The following COMMD10 variants were observed in gnomAD, a reference collection of about 807,000 sequenced individuals.
COMMD10 encodes the protein COMM domain containing 10, also known as COMM domain-containing protein 10.
COMMD10 carries 33 observed loss-of-function variants against 28.9 expected under a neutral mutation model. That is an observed-to-expected ratio of 1.14 (90% confidence interval 0.87 to 1.53). The LOEUF is 1.53. Among genes scored for constraint, COMMD10 ranks in the 40% most tolerant of loss-of-function variants. COMMD10 has a pLI of 0.00. For missense variants in COMMD10, 310 were observed against 233.4 expected (o/e 1.33, Z -2.14); for synonymous variants, 110 against 81.7 (o/e 1.35, Z -1.87).
At chr5:116,247,853 C>T (rs1293850598) in intron 5 of COMMD10, among the ~76,000 whole-genome samples, 1 of 151,868 alleles carries the variant, frequency 6.6e-6, no homozygotes, top group Non-Finnish European at 1.5e-5. Context: ...GGAAAAATAA[C>T]TAATGGATAC....
At chr5:116,272,633 C>T (rs538184031) in intron 5 of COMMD10, among the ~76,000 whole-genome samples, 15 of 151,774 alleles carry the variant, frequency 9.9e-5, no homozygotes, top group Non-Finnish European at 2.1e-4. Context: ...ACTGGTAATG[C>T]CATATTACAT....
chr5:116,256,573 G>A (rs4244400), intron 5 of COMMD10, among the ~76,000 whole-genome samples: 149,209 of 151,656 alleles, frequency 0.98, 73,504 homozygotes, highest in East Asian at 1. Context: ...ATTTGAAACA[G>A]TATACAGGTT....
chr5:116,089,785 G>A (rs2112708185), intron 2 of COMMD10, among the ~76,000 whole-genome samples: 1 of 152,328 alleles, frequency 6.6e-6, no homozygotes, highest in African/African-American at 2.4e-5. Context: ...ATATGTATGT[G>A]AATACTTGCC....
At chr5:116,267,058 A>G (rs564043770) in intron 5 of COMMD10, among the ~76,000 whole-genome samples, 68 of 151,998 alleles carry the variant, frequency 4.5e-4, no homozygotes, top group Non-Finnish European at 8.2e-4. Flanking sequence ...GCCCTCTCTC[A>G]CCACTCCTAT....
intron 5 of COMMD10, among the ~76,000 whole-genome samples, chr5:116,196,640 AAAG>A (rs1178757467): frequency 6.6e-6 from 1 of 151,976 alleles, no homozygotes; most frequent in Non-Finnish European, 1.5e-5. Context: ...TTTTTTAAAA[AAAG>A]AAAAATGTTT....
chr5:116,256,591 C>G (rs1020968582), intron 5 of COMMD10, among the ~76,000 whole-genome samples: 1 of 151,614 alleles, frequency 6.6e-6, no homozygotes, highest in Admixed American at 6.6e-5. Flanking sequence ...GTTGAGTATT[C>G]CTTATCCAAA....
chr5:116,240,400 G>T (rs1749781455), intron 5 of COMMD10, among the ~76,000 whole-genome samples: 1 of 152,096 alleles, frequency 6.6e-6, no homozygotes, highest in African/African-American at 2.4e-5. Flanking sequence ...AAGATTAATT[G>T]TAATATTTTA....
intron 5 of COMMD10, among the ~76,000 whole-genome samples, chr5:116,267,885 T>A (rs1750635759): frequency 1.3e-5 from 2 of 151,892 alleles, no homozygotes; most frequent in South Asian, 2.1e-4. Flanking sequence ...CTGGGAAAAC[T>A]GGCTAGCCAT....
At chr5:116,102,357 C>G (rs1750693446) in intron 4 of COMMD10, among the ~76,000 whole-genome samples, 1 of 152,090 alleles carries the variant, frequency 6.6e-6, no homozygotes, top group Non-Finnish European at 1.5e-5. Flanking sequence ...TCAAAGAACA[C>G]TTAAATGTAA....
chr5:116,165,251 C>T (rs1260050038), intron 5 of COMMD10, among the ~76,000 whole-genome samples: 2 of 152,100 alleles, frequency 1.3e-5, no homozygotes, highest in Non-Finnish European at 1.5e-5. Context: ...TTAAAATATC[C>T]CCTTAATCGA....
intron 5 of COMMD10, among the ~76,000 whole-genome samples, chr5:116,169,487 TAAG>T: frequency 6.6e-6 from 1 of 152,272 alleles, no homozygotes; most frequent in Admixed American, 6.5e-5. Flanking sequence ...CTAATTCATT[TAAG>T]AGGCCAGCAT....
intron 5 of COMMD10, among the ~76,000 whole-genome samples, chr5:116,251,208 A>C (rs527564317): frequency 6.6e-6 from 1 of 151,902 alleles, no homozygotes; most frequent in Non-Finnish European, 1.5e-5. Context: ...TTTATTGTTC[A>C]TTAAGTATTT....
chr5:116,107,399 C>A, intron 4 of COMMD10, among the ~76,000 whole-genome samples: 1 of 152,154 alleles, frequency 6.6e-6, no homozygotes. Context: ...CTTCTCTGAT[C>A]TTGTCTTCTC....
At chr5:116,152,402 T>A (rs1193936512) in intron 5 of COMMD10, among the ~76,000 whole-genome samples, 1 of 152,020 alleles carries the variant, frequency 6.6e-6, no homozygotes, top group Non-Finnish European at 1.5e-5. Context: ...AAAGAAGAAA[T>A]CCACAGGGAT....
chr5:116,222,283 CT>C (rs1363895421), intron 5 of COMMD10, among the ~76,000 whole-genome samples: 2 of 152,160 alleles, frequency 1.3e-5, no homozygotes, highest in African/African-American at 4.8e-5. Flanking sequence ...CTTAACAAAA[CT>C]TAGTTTTGAC....
chr5:116,092,776 G>A (rs956637705), intron 4 of COMMD10, 76 bp downstream of exon 4: 25 of 1,125,214 alleles, frequency 2.2e-5, no homozygotes, highest in Non-Finnish European at 3.0e-5. Context: ...AGTTTTTAAA[G>A]TGATAATATT....
rs564165746 is a variant in COMMD10 at position 116,224,419 on chromosome 5, A to C, written c.511-67098A>C. ...GGTAATTTACAAAGGAATGATATTT[A>C]TTTTGGCTCATGTTTCTGCAGACTG... On this transcript the variant is annotated intron_variant, in intron 5 of 6. Transcript: ENST00000274458. 3.9e-5 allele frequency among the ~76,000 whole-genome samples: 6 copies of C among 152,214 alleles called. No individual in the cohort carries two copies. In the South Asian group the frequency reaches 1.2e-3, roughly 32 times the overall value.
chr5:116,229,659 AAC>A (rs2112652854), intron 5 of COMMD10, among the ~76,000 whole-genome samples: 1 of 152,100 alleles, frequency 6.6e-6, no homozygotes, highest in East Asian at 1.9e-4. Context: ...TCATATGTGA[AAC>A]AGCTAGAAAA....
chr5:116,292,513 A>G lies in COMMD10; in HGVS notation c.*24A>G. 1 of 1,573,868 alleles carries G rather than the reference A, an allele frequency of 6.4e-7. No individual in the cohort carries two copies. The highest frequency in any genetic ancestry group is 8.6e-7 in the Non-Finnish European group (1 of 1,156,862). Reference sequence around the variant, plus strand: ...GATGTTTTCGAAGACTGTTTTTTTCATCACGCTCCTGCCACCTCATTATTT... The same window carrying G: ...GATGTTTTCGAAGACTGTTTTTTTCGTCACGCTCCTGCCACCTCATTATTT... On this transcript the variant is annotated 3_prime_UTR_variant, in exon 7 of 7. Coordinates refer to ENST00000274458, the MANE Select transcript of COMMD10 (RefSeq NM_016144.4).
Sources: gnomAD v4.1 joint callset for allele counts (sites outside exome capture counted in the v4.1 genomes callset) on GRCh38, gnomAD v4.1.1 for gene constraint, MANE v1.5 for transcripts, NCBI Gene and HGNC (gene_info 2026-07-23, HGNC 2026-07-21) for gene names.